Variants in ADGRE2 observed in about 807,000 individuals in gnomAD.
The protein encoded by ADGRE2 is CD97 antigen.
In ADGRE2, 83 loss-of-function variants were observed where a neutral mutation model predicts 100.8. The observed-to-expected ratio is 0.82, with a 90% CI of 0.69 to 0.99. ADGRE2 has a LOEUF of 0.99. Among genes scored for constraint, ADGRE2 ranks in the 50% least tolerant of loss-of-function variants. The probability of loss-of-function intolerance (pLI) is 0.00; values close to 1 mark genes in which losing one functional copy is unlikely to be tolerated. For synonymous variants in ADGRE2, 355 were observed against 413.0 expected, an observed-to-expected ratio of 0.86 and a Z score of 1.70; for missense variants, 814 against 1,035.7, an observed-to-expected ratio of 0.79 and a Z score of 2.94.
intron 11 of ADGRE2, among the ~76,000 whole-genome samples, chr19:14,759,956 C>A (rs1210032758): frequency 6.6e-6 from 1 of 151,756 alleles, no homozygotes; most frequent in Non-Finnish European, 1.5e-5. Context: ...GTAGCTGGGA[C>A]TACAGGCACC....
chr19:14,769,660 G>T (rs930905274), intron 5 of ADGRE2, among the ~76,000 whole-genome samples: 14 of 152,116 alleles, frequency 9.2e-5, no homozygotes, highest in African/African-American at 3.1e-4. Flanking sequence ...CCCTCTCTCA[G>T]TGTTGGCCTC....
intron 11 of ADGRE2, among the ~76,000 whole-genome samples, chr19:14,757,826 C>G (rs1304309723): frequency 6.6e-6 from 1 of 152,120 alleles, no homozygotes; most frequent in African/African-American, 2.4e-5. Context: ...ATTTTTGGGA[C>G]AGAGTCTTGC....
chr19:14,739,913 C>T (rs775933050), intron 20 of ADGRE2, among the ~76,000 whole-genome samples: 4 of 151,998 alleles, frequency 2.6e-5, no homozygotes, highest in Non-Finnish European at 5.9e-5. Flanking sequence ...CTAGCCTGGC[C>T]AACATGGTGA....
chr19:14,751,961 T>C (rs2043310073), intron 15 of ADGRE2, among the ~76,000 whole-genome samples: 1 of 149,404 alleles, frequency 6.7e-6, no homozygotes, highest in African/African-American at 2.5e-5. Flanking sequence ...GAGACGGAAT[T>C]TCACTCTTGT....
intron 17 of ADGRE2, 69 bp downstream of exon 17, chr19:14,746,827 A>T: frequency 6.8e-7 from 1 of 1,480,680 alleles, no homozygotes; most frequent in Non-Finnish European, 9.3e-7. Flanking sequence ...TCTTGTCACC[A>T]TCTTTATTAT....
intron 11 of ADGRE2, among the ~76,000 whole-genome samples, chr19:14,756,758 A>G (rs1252877227): frequency 6.6e-6 from 1 of 152,208 alleles, no homozygotes; most frequent in Non-Finnish European, 1.5e-5. Context: ...TATGAGTCTA[A>G]TATTGCTCTG....
chr19:14,775,783 CA>C (rs1177386213), intron 2 of ADGRE2, among the ~76,000 whole-genome samples: 3 of 147,586 alleles, frequency 2.0e-5, no homozygotes, highest in Non-Finnish European at 4.4e-5. Flanking sequence ...CGCTTGAACC[CA>C]GGAGGCGGAG....
chr19:14,751,802 T>C (rs2043294239), intron 15 of ADGRE2, 131 bp from the exon 16 acceptor site: 5 of 674,520 alleles, frequency 7.4e-6, no homozygotes, highest in Non-Finnish European at 1.3e-5. Flanking sequence ...TGCTGTGTAG[T>C]TGAGTCAGGC....
rs565147409 is a variant in ADGRE2 at position 14,774,398 on chromosome 19, C to T, written c.32-92G>A. 6.0e-6 allele frequency: 9 copies of T among 1,488,532 alleles called. No homozygotes were observed. In the South Asian group the frequency reaches 1.1e-4, roughly 19 times the overall value. The allele number at this position is 1,488,532 out of a possible 1,614,324, so 92.2% of individuals were successfully genotyped here. On this transcript the variant is annotated intron_variant, in intron 2 of 20. Coordinates refer to ENST00000315576, the MANE Select transcript of ADGRE2 (RefSeq NM_013447.4). ...GCACTTTGTGGGAGGAGGATGCTGA[C>T]CCCTCTCAGGCTCAGATCCTGCCCA...
intron 5 of ADGRE2, 149 bp downstream of exon 5, chr19:14,772,193 G>C: frequency 8.7e-7 from 1 of 1,155,784 alleles, no homozygotes; most frequent in East Asian, 2.4e-5. Context: ...CTCTGGGCTG[G>C]CGAAACAGGT....
chr19:14,730,510 CCTTT>C (rs1205503538), downstream of ADGRE2, among the ~76,000 whole-genome samples: 3 of 151,512 alleles, frequency 2.0e-5, no homozygotes, highest in Admixed American at 1.3e-4. Context: ...TTCTCTATCT[CCTTT>C]CTTTTTCTTT....
intron 20 of ADGRE2, among the ~76,000 whole-genome samples, chr19:14,742,283 A>G (rs1332447544): frequency 6.6e-6 from 1 of 152,104 alleles, no homozygotes; most frequent in African/African-American, 2.4e-5. Flanking sequence ...CCAGGCTGAA[A>G]TGCAGTGGCA....
At chr19:14,745,471 C>T (rs2043059258) in intron 18 of ADGRE2, among the ~76,000 whole-genome samples, 2 of 152,142 alleles carry the variant, frequency 1.3e-5, no homozygotes, top group Non-Finnish European at 1.5e-5. Context: ...ACTAGAGTCA[C>T]CCTACTCTGC....
chr19:14,776,865 T>A lies in ADGRE2; in HGVS notation c.-109A>T, dbSNP rs2044463135. ...GTGCGGGCTGTCCCGAGGCCAGGAC[T>A]TTATAAAGGAGGGGGGGCGGACAGC... On this transcript the variant is annotated 5_prime_UTR_variant, in exon 2 of 21. It adds an upstream start codon to the 5' untranslated region. Coordinates refer to ENST00000315576, the MANE Select transcript of ADGRE2 (RefSeq NM_013447.4). 1.3e-6 allele frequency: 2 copies of A among 1,551,722 alleles called. No individual in the cohort carries two copies. Among genetic ancestry groups the A allele is most frequent in the Non-Finnish European group, 1.7e-6 (2 of 1,147,808 alleles).
intron 16 of ADGRE2, 131 bp downstream of exon 16, chr19:14,751,305 T>C (rs939594178): frequency 6.1e-6 from 4 of 654,170 alleles, no homozygotes; most frequent in East Asian, 2.7e-5. Flanking sequence ...AGCTGCAGTG[T>C]AATCCAACCA....
Position 14,743,730 on chromosome 19 carries a change from A to T in ADGRE2, c.2238T>A (p.Cys746Ter), listed in dbSNP as rs766275544. ...CCGGACCCACCTGCAAGATGCCCAG[A>T]CACCACGTGCAGCCCAGGATGAACA... ...AQLFILGCTW[C>*]LGILQVGPAA... is the part of the protein sequence containing the mutation. The change falls in exon 19 of 21, where the codon TGT becomes TGA. Residue 746 changes from cysteine to a stop codon, truncating the protein, a stop_gained. Coordinates refer to ENST00000315576, the MANE Select transcript of ADGRE2 (RefSeq NM_013447.4). LOFTEE classifies it high-confidence loss of function. 1 of 1,614,182 alleles carries T rather than the reference A, an allele frequency of 6.2e-7. No homozygotes were observed.
intron 20 of ADGRE2, among the ~76,000 whole-genome samples, chr19:14,738,903 C>A (rs1318852040): frequency 2.0e-5 from 3 of 151,774 alleles, no homozygotes; most frequent in Admixed American, 1.3e-4. Context: ...TGAAACAAGA[C>A]TGCAGAAAGC....
At position 14,766,435 on chromosome 19, in the gene ADGRE2, C is replaced by T. The variant is rs917303958; in HGVS notation, c.488-54G>A. 11 of 1,510,136 alleles carry T rather than the reference C, an allele frequency of 7.3e-6. No individual in the cohort carries two copies. The African/African-American group carries it at 1.2e-4, about 17-fold the overall frequency. The allele number at this position is 1,510,136 out of a possible 1,614,324, so 93.5% of individuals were successfully genotyped here. ...TGTCCCTGACCAGCCTGGGCCTGCC[C>T]TCCACTCACTGCACCCACTCCCCTA... On this transcript the variant is annotated intron_variant, in intron 6 of 20. Coordinates refer to ENST00000315576, the MANE Select transcript of ADGRE2 (RefSeq NM_013447.4).
Position 14,774,318 on chromosome 19 carries a change from A to G in ADGRE2, c.32-12T>C. ...CCAGACACAGAATGCTGCAACAGAG[A>G]AAGGAAAGGGGGTCAGAGGGGATCC... is the stretch of plus-strand genomic sequence containing the variant. On this transcript the variant is annotated splice_polypyrimidine_tract_variant and intron_variant, in intron 2 of 20. Coordinates refer to ENST00000315576, the MANE Select transcript of ADGRE2 (RefSeq NM_013447.4). 1 of 1,552,482 alleles carries G rather than the reference A, an allele frequency of 6.4e-7. No individual in the cohort carries two copies. Among genetic ancestry groups the G allele is most frequent in the Non-Finnish European group, 8.8e-7 (1 of 1,142,148 alleles).
Sources: allele counts gnomAD v4.1 joint callset (sites outside exome capture counted in the v4.1 genomes callset), GRCh38; gene constraint gnomAD v4.1.1; transcripts MANE v1.5; gene names NCBI Gene and HGNC (gene_info 2026-07-23, HGNC 2026-07-21).